Variants in TMEM185A observed in about 807,000 individuals in gnomAD.
The protein encoded by TMEM185A is family with sequence similarity 11, member A.
TMEM185A carries 9 observed loss-of-function variants against 25.0 expected under a neutral mutation model. That is an observed-to-expected ratio of 0.36 (90% CI 0.22 to 0.63). The LOEUF (loss-of-function observed/expected upper bound fraction) is 0.63. Among genes scored for constraint, TMEM185A ranks in the 20% least tolerant of loss-of-function variants. The pLI is 0.68. For missense variants in TMEM185A, 103 were observed against 237.4 expected (o/e 0.43, Z 3.72); for synonymous variants, 45 against 93.5 (o/e 0.48, Z 2.99).
chrX:149,606,902 G>C (rs1267477182), intron 3 of TMEM185A: 2 of 112,432 alleles, frequency 1.8e-5, no homozygotes, highest in African/African-American at 6.5e-5. Context: ...ATCTGTGGGG[G>C]ATTGGTTCCA....
At chrX:149,625,603 G>A (rs1177915236) in intron 1 of TMEM185A, among the ~76,000 whole-genome samples, 3 of 112,163 alleles carry the variant, frequency 2.7e-5, no homozygotes, top group Non-Finnish European at 5.6e-5. Flanking sequence ...CACTGAGGGT[G>A]GATTCAAATT....
chrX:149,618,095 T>A (rs1388923130), intron 1 of TMEM185A, among the ~76,000 whole-genome samples: 43 of 111,535 alleles, frequency 3.9e-4, no homozygotes, highest in African/African-American at 1.3e-3. Flanking sequence ...AAAATCCTTC[T>A]AATTGAGTAT....
At chrX:149,614,165 T>C (rs1052449726) in intron 1 of TMEM185A, among the ~76,000 whole-genome samples, 7 of 111,573 alleles carry the variant, frequency 6.3e-5, no homozygotes, top group South Asian at 3.8e-4. Flanking sequence ...CCAAGATAGA[T>C]TGAATTCTGG....
chrX:149,617,410 C>T (rs1226757441), intron 1 of TMEM185A, among the ~76,000 whole-genome samples: 2 of 111,080 alleles, frequency 1.8e-5, no homozygotes, highest in African/African-American at 3.3e-5. Flanking sequence ...GTGAACAACC[C>T]GATTTAAAAT....
chrX:149,608,443 G>A (rs1433933803), intron 3 of TMEM185A, 184 bp downstream of exon 3: 9 of 405,805 alleles, frequency 2.2e-5, no homozygotes, highest in Middle Eastern at 7.0e-4. Context: ...AGATTCTCCC[G>A]CCTCAGCCTC....
At chrX:149,627,053 G>A (rs79730413) in intron 1 of TMEM185A, among the ~76,000 whole-genome samples, 13 of 110,898 alleles carry the variant, frequency 1.2e-4, no homozygotes, top group East Asian at 1.1e-3. Context: ...AAGAGGCCCC[G>A]CTCTTTCACT....
chrX:149,620,721 G>C (rs1259371197), intron 1 of TMEM185A, among the ~76,000 whole-genome samples: 3 of 112,316 alleles, frequency 2.7e-5, no homozygotes, highest in African/African-American at 9.7e-5. Flanking sequence ...CCCAAGGTCT[G>C]TGGGAAACAG....
At chrX:149,628,498 C>T (rs1286865409) in intron 1 of TMEM185A, among the ~76,000 whole-genome samples, 1 of 112,205 alleles carries the variant, frequency 8.9e-6, no homozygotes, top group African/African-American at 3.2e-5. Context: ...CAGTTCAGTG[C>T]CAGATGGAAA....
intron 2 of TMEM185A, among the ~76,000 whole-genome samples, 165 bp from the exon 3 acceptor site, chrX:149,608,999 G>A (rs1331116762): frequency 2.7e-5 from 3 of 112,571 alleles, no homozygotes; most frequent in African/African-American, 6.5e-5. Flanking sequence ...CTAAGCTTTG[G>A]TAGGCAATCT....
At chrX:149,610,960 T>C (rs1557354423) in intron 2 of TMEM185A, among the ~76,000 whole-genome samples, 1 of 111,430 alleles carries the variant, frequency 9.0e-6, no homozygotes, top group Non-Finnish European at 1.9e-5. Context: ...CCAAACATAA[T>C]ATGAGTGTCT....
intron 3 of TMEM185A, among the ~76,000 whole-genome samples, chrX:149,606,316 TA>T (rs2090051047): frequency 8.9e-6 from 1 of 112,911 alleles, no homozygotes; most frequent in Admixed American, 9.3e-5. Context: ...CAGTGTGGCC[TA>T]AAAATAAACC....
intron 1 of TMEM185A, among the ~76,000 whole-genome samples, chrX:149,621,230 G>A (rs1428341801): frequency 1.8e-5 from 2 of 109,605 alleles, no homozygotes; most frequent in African/African-American, 6.7e-5. Flanking sequence ...GTGGGGGGGG[G>A]TGGTAAATGC....
Position 149,603,954 on chromosome X carries a change from G to T in TMEM185A, c.507+33C>A, listed in dbSNP as rs150539503. ...TATGAATTACTTTTATAATAAAAAA[G>T]AACTTTATTTAAGGATTTTAAAAGT... On this transcript the variant is annotated intron_variant, in intron 4 of 6. Coordinates refer to ENST00000600449, the MANE Select transcript of TMEM185A (RefSeq NM_032508.4). The T allele has an allele frequency of 1.9e-3, 2,086 of 1,126,374 alleles. 30 individuals carry two copies. The African/African-American group carries it at 0.035, about 19-fold the overall frequency. The allele number at this position is 1,126,374 out of a possible 1,213,427, so 92.8% of individuals were successfully genotyped here.
chrX:149,623,195 C>G (rs2090147887), intron 1 of TMEM185A, among the ~76,000 whole-genome samples: 1 of 112,272 alleles, frequency 8.9e-6, no homozygotes, highest in Non-Finnish European at 1.9e-5. Flanking sequence ...CAGACTGGAA[C>G]ACACAGAATA....
At chrX:149,605,796 T>G (rs1199795957) in intron 3 of TMEM185A, among the ~76,000 whole-genome samples, 1 of 111,873 alleles carries the variant, frequency 8.9e-6, no homozygotes, top group Non-Finnish European at 1.9e-5. Flanking sequence ...CAGCAACCCC[T>G]TACTAACCTC....
At chrX:149,605,588 T>C (rs2090046819) in intron 3 of TMEM185A, among the ~76,000 whole-genome samples, 1 of 111,574 alleles carries the variant, frequency 9.0e-6, no homozygotes, top group Admixed American at 9.5e-5. Context: ...CCCATGTCAC[T>C]TGGAGGCACA....
At chrX:149,607,734 C>T (rs781975718) in intron 3 of TMEM185A, among the ~76,000 whole-genome samples, 16 of 111,988 alleles carry the variant, frequency 1.4e-4, no homozygotes, top group Non-Finnish European at 2.4e-4. Flanking sequence ...GCTAACCAGA[C>T]AGCAGGGGAG....
At chrX:149,631,307 C>T (rs886616315) in intron 1 of TMEM185A, among the ~76,000 whole-genome samples, 4 of 110,748 alleles carry the variant, frequency 3.6e-5, no homozygotes, top group African/African-American at 1.3e-4. Context: ...GCGGCCGGGC[C>T]CTTCCGGCCG....
Position 149,628,157 on chromosome X carries a change from G to A in TMEM185A, c.38+3386C>T, listed in dbSNP as rs782746165. ...TCAGGAGCTCACAACAGATGACTAA[G>A]AAGGCCCAGCAGAGTTTTCACAGCC... On this transcript the variant is annotated intron_variant, in intron 1 of 6. Transcript: ENST00000600449. Among the ~76,000 whole-genome samples, 3 of 111,599 alleles carry A rather than the reference G, an allele frequency of 2.7e-5. No individual in the cohort carries two copies. The South Asian group carries it at 1.1e-3, about 43-fold the overall frequency.
Sources: allele counts gnomAD v4.1 joint callset (sites outside exome capture counted in the v4.1 genomes callset), GRCh38; gene constraint gnomAD v4.1.1; transcripts MANE v1.5; gene names NCBI Gene and HGNC (gene_info 2026-07-23, HGNC 2026-07-21).